ACCSL: variants seen among roughly 807,000 people sequenced by gnomAD.
The protein encoded by ACCSL is probable inactive 1-aminocyclopropane-1-carboxylate synthase-like protein 2.
A neutral mutation model predicts 61.7 loss-of-function variants in ACCSL; 55 were observed. That is an observed-to-expected ratio of 0.89 (90% confidence interval 0.72 to 1.12). ACCSL has a LOEUF of 1.12. Ranked by LOEUF, ACCSL falls within the 50% of genes most tolerant of loss-of-function variation. The probability of loss-of-function intolerance (pLI) is 0.00; values close to 1 mark genes in which losing one functional copy is unlikely to be tolerated. For synonymous variants in ACCSL, 258 were observed against 264.3 expected (o/e 0.98, Z 0.23); for missense variants, 632 against 698.0 (o/e 0.91, Z 1.07).
upstream of ACCSL, among the ~76,000 whole-genome samples, chr11:44,043,648 C>A (rs1324380193): frequency 6.6e-6 from 1 of 152,050 alleles, no homozygotes. Context: ...ATTTTTGTCC[C>A]ATTTTCTCTT....
At chr11:43,938,334 G>A in the ACCSL span, among the ~76,000 whole-genome samples, 1 of 152,196 alleles carries the variant, frequency 6.6e-6, no homozygotes, top group Admixed American at 6.5e-5. Context: ...ACTCGGGCTT[G>A]AGCAATCATG....
chr11:43,927,879 C>G, the ACCSL span, among the ~76,000 whole-genome samples: 1 of 152,276 alleles, frequency 6.6e-6, no homozygotes, highest in Non-Finnish European at 1.5e-5. Context: ...ACAGAGTAAG[C>G]AAGAACTCAG....
At chr11:44,024,441 CTGTGTGTGTGTGTGTG>C in the ACCSL span, among the ~76,000 whole-genome samples, 10 of 132,098 alleles carry the variant, frequency 7.6e-5, no homozygotes, top group Admixed American at 1.6e-4. Context: ...CTCTCTCTCT[CTGTGTGTGTGTGTGTG>C]TGTGTGTGTG....
At chr11:44,005,664 G>A in the ACCSL span, among the ~76,000 whole-genome samples, 2,520 of 152,114 alleles carry the variant, frequency 0.017, 33 homozygotes, top group Non-Finnish European at 0.027. Context: ...TGGCTTCCCC[G>A]GACGTGCCCA....
intron 5 of ACCSL, 62 bp from the exon 6 acceptor site, chr11:44,052,600 C>T (rs1417845658): frequency 2.8e-6 from 4 of 1,436,786 alleles, no homozygotes; most frequent in Non-Finnish European, 3.9e-6. Flanking sequence ...GTTTGGGGAG[C>T]CTGGCAACAG....
intron 8 of ACCSL, 148 bp from the exon 9 acceptor site, chr11:44,055,054 G>T (rs974414485): frequency 2.0e-5 from 11 of 563,172 alleles, no homozygotes; most frequent in Middle Eastern, 4.8e-4. Context: ...CAGATGGGCT[G>T]CTGGGGCAGT....
chr11:44,051,980 T>C (rs1485978681), intron 5 of ACCSL, among the ~76,000 whole-genome samples: 2 of 152,210 alleles, frequency 1.3e-5, no homozygotes, highest in Non-Finnish European at 2.9e-5. Context: ...CTACCTACTA[T>C]GTTCATGGCT....
At chr11:44,001,601 T>TTCA in the ACCSL span, among the ~76,000 whole-genome samples, 1 of 151,790 alleles carries the variant, frequency 6.6e-6, no homozygotes, top group Admixed American at 6.6e-5. Context: ...TAAATGGAGA[T>TTCA]TCATTCATGC....
the ACCSL span, among the ~76,000 whole-genome samples, chr11:44,005,259 C>T: frequency 4.6e-5 from 7 of 152,158 alleles, no homozygotes; most frequent in African/African-American, 1.7e-4. Flanking sequence ...TCAGCACCCC[C>T]TCCCCGGATT....
At chr11:44,047,475 C>G (rs1325865314), upstream of ACCSL, among the ~76,000 whole-genome samples, 1 of 152,186 alleles carries the variant, frequency 6.6e-6, no homozygotes, top group Admixed American at 6.5e-5. Context: ...TCTGTCATGA[C>G]TATTAAACTC....
chr11:44,011,848 A>G, the ACCSL span, among the ~76,000 whole-genome samples: 1 of 152,130 alleles, frequency 6.6e-6, no homozygotes, highest in Non-Finnish European at 1.5e-5. Flanking sequence ...TGGTGAGAGG[A>G]AAAAGAGGAA....
chr11:44,034,145 C>T, the ACCSL span, among the ~76,000 whole-genome samples: 69 of 152,188 alleles, frequency 4.5e-4, no homozygotes, highest in Non-Finnish European at 5.7e-4. Flanking sequence ...ATTATCATCC[C>T]CCTAACACCA....
chr11:44,006,583 GCAGCCTCCATCTC>G, the ACCSL span, among the ~76,000 whole-genome samples: 1 of 143,572 alleles, frequency 7.0e-6, no homozygotes, highest in African/African-American at 2.6e-5. Flanking sequence ...TCGGCTTACT[GCAGCCTCCATCTC>G]CTGGGTTCAA....
chr11:43,986,928 G>A, the ACCSL span, among the ~76,000 whole-genome samples: 154 of 152,300 alleles, frequency 1.0e-3, no homozygotes, highest in Non-Finnish European at 1.6e-3. Context: ...CATCCCAGAA[G>A]AGGTGAAAGC....
At position 44,056,302 on chromosome 11, in the gene ACCSL, C is replaced by T; in HGVS notation, c.1303C>T (p.Leu435=). 1 of 1,614,042 alleles carries T rather than the reference C, an allele frequency of 6.2e-7. No homozygotes were observed. Among genetic ancestry groups the T allele is most frequent in the Non-Finnish European group, 8.5e-7 (1 of 1,179,972 alleles). Reference sequence around the variant, plus strand: ...TATTTCTGGCATCACCCAGCACAAGCTGTGTCAACTGCTCCAGAACACAGG... The same window carrying T: ...TATTTCTGGCATCACCCAGCACAAGTTGTGTCAACTGCTCCAGAACACAGG... The part of the protein sequence containing the change: ...HSISGITQHK[L]CQLLQNTEWI... Residue 435 remains leucine, a synonymous_variant, in exon 11 of 14, where the codon CTG becomes TTG. Coordinates refer to ENST00000378832, the MANE Select transcript of ACCSL (RefSeq NM_001031854.2).
chr11:43,943,753 G>A, the ACCSL span: 1 of 1,304,350 alleles, frequency 7.7e-7, no homozygotes, highest in Non-Finnish European at 1.0e-6. This position sits in a 1 kb window ranked among gnomAD's most constrained non-coding sequence, Gnocchi z 4.8. Context: ...GGCTGCTACT[G>A]CGTCTGGAGG....
At position 44,048,541 on chromosome 11, in the gene ACCSL, G is replaced by A. The variant is rs752997629; in HGVS notation, c.504+1G>A. ...ATATCATAAGGACAAGAACACCTTG[G>A]TGAGAATTTGGGGTGGGGGGTGGGC... On this transcript the variant is annotated splice_donor_variant, in intron 1 of 13. Transcript: ENST00000378832. LOFTEE classifies it high-confidence loss of function. The A allele has an allele frequency of 2.3e-5, 11 of 481,984 alleles. No homozygotes were observed. Among genetic ancestry groups the A allele is most frequent in the East Asian group, 9.0e-5 (1 of 11,150 alleles). 29.9% of individuals were successfully genotyped at this position (481,984 alleles called of 1,614,324 possible).
the ACCSL span, among the ~76,000 whole-genome samples, chr11:43,923,341 A>C: frequency 6.6e-6 from 1 of 151,938 alleles, no homozygotes; most frequent in African/African-American, 2.4e-5. Context: ...GGTCATAAAC[A>C]CTTGTAGTGT....
chr11:43,988,303 C>T, the ACCSL span, among the ~76,000 whole-genome samples: 2 of 152,158 alleles, frequency 1.3e-5, no homozygotes, highest in African/African-American at 2.4e-5. Flanking sequence ...CTCCAAAACA[C>T]GGGGGTTCGT....
Sources: allele counts gnomAD v4.1 joint callset (sites outside exome capture counted in the v4.1 genomes callset), GRCh38; gene constraint gnomAD v4.1.1; non-coding constraint Gnocchi (gnomAD v3.1); transcripts MANE v1.5; gene names NCBI Gene and HGNC (gene_info 2026-07-23, HGNC 2026-07-21).